SNX29: variants seen among roughly 807,000 people sequenced by gnomAD.
The protein encoded by SNX29 is sorting nexin 29.
A neutral mutation model predicts 102.1 loss-of-function variants in SNX29; 78 were observed. That is an observed-to-expected ratio of 0.76 (90% CI 0.64 to 0.92). The LOEUF (loss-of-function observed/expected upper bound fraction) is 0.92, where lower values mean the gene tolerates loss of function less well. Among genes scored for constraint, SNX29 ranks in the 40% least tolerant of loss-of-function variants. The pLI is 0.00. For missense variants in SNX29, 1,280 were observed against 1,061.7 expected, an observed-to-expected ratio of 1.21 and a Z score of -2.86; for synonymous variants, 580 against 414.5, an observed-to-expected ratio of 1.40 and a Z score of -4.85.
chr16:12,562,264 C>T (rs1050929345), intron 20 of SNX29, among the ~76,000 whole-genome samples: 2 of 152,122 alleles, frequency 1.3e-5, no homozygotes, highest in East Asian at 1.9e-4. Flanking sequence ...TAAGCAGCAT[C>T]CCCATGGGCC....
chr16:12,239,215 C>CT (rs2078026891), intron 14 of SNX29, among the ~76,000 whole-genome samples: 1 of 152,146 alleles, frequency 6.6e-6, no homozygotes, highest in Non-Finnish European at 1.5e-5. Context: ...AGAGGTAGTG[C>CT]TGGAGGTAGC....
intron 13 of SNX29, among the ~76,000 whole-genome samples, chr16:12,180,865 T>C (rs1300950305): frequency 1.3e-5 from 2 of 152,180 alleles, no homozygotes; most frequent in Non-Finnish European, 2.9e-5. Context: ...CTCTCTCCTG[T>C]GGATTTCGTG....
At chr16:12,242,596 C>T (rs2078142127) in intron 14 of SNX29, among the ~76,000 whole-genome samples, 2 of 150,898 alleles carry the variant, frequency 1.3e-5, no homozygotes, top group South Asian at 2.1e-4. Flanking sequence ...TTCTCTTCTT[C>T]TTCTCTTCTT....
At chr16:12,426,901 A>G (rs2151611036) in intron 18 of SNX29, among the ~76,000 whole-genome samples, 1 of 152,188 alleles carries the variant, frequency 6.6e-6, no homozygotes, top group South Asian at 2.1e-4. Flanking sequence ...TGTGACCTCA[A>G]GTGATCCACC....
intron 20 of SNX29, chr16:12,526,578 C>T (rs756181479): frequency 6.6e-5 from 35 of 529,844 alleles, no homozygotes; most frequent in Admixed American, 1.1e-4. Flanking sequence ...TGGAAATGGC[C>T]GCGATAGTTC....
intron 20 of SNX29, among the ~76,000 whole-genome samples, chr16:12,527,675 C>T (rs535692297): frequency 2.0e-5 from 3 of 152,178 alleles, no homozygotes; most frequent in African/African-American, 4.8e-5. Flanking sequence ...CCACCCAGCA[C>T]GTGGGGATCC....
At chr16:12,013,704 G>T (rs532225151) in intron 3 of SNX29, among the ~76,000 whole-genome samples, 1 of 150,810 alleles carries the variant, frequency 6.6e-6, no homozygotes, top group Non-Finnish European at 1.5e-5. Flanking sequence ...GAGTGCAGTG[G>T]CATAATCTTG....
rs192992669 is a variant in SNX29, at chr16:12,125,304, T to C, written c.1403-1329T>C. ...TAACCTGAACATGATGTCATAGCTGTGTGGGGAAGGCGGAAGGTCTGACAG... is the reference window on the plus strand; with the variant it reads ...TAACCTGAACATGATGTCATAGCTGCGTGGGGAAGGCGGAAGGTCTGACAG... On this transcript the variant is annotated intron_variant, in intron 11 of 20. Coordinates refer to ENST00000566228, the MANE Select transcript of SNX29 (RefSeq NM_032167.5). 6.6e-5 allele frequency among the ~76,000 whole-genome samples: 10 copies of C among 152,260 alleles called. No individual in the cohort carries two copies. In the East Asian group the frequency reaches 1.7e-3, roughly 26 times the overall value.
intron 15 of SNX29, among the ~76,000 whole-genome samples, chr16:12,280,871 G>A (rs870641): frequency 0.079 from 11,969 of 152,174 alleles, 1,146 homozygotes; most frequent in African/African-American, 0.22. Context: ...GTTTCTTTCC[G>A]TGTCAGAAGG....
At chr16:12,396,372 A>C (rs1439291623) in intron 16 of SNX29, among the ~76,000 whole-genome samples, 1 of 152,138 alleles carries the variant, frequency 6.6e-6, no homozygotes, top group African/African-American at 2.4e-5. Flanking sequence ...CCTGGGTGCA[A>C]ACTCTGTTCA....
chr16:12,489,394 C>T (rs1028880285), intron 19 of SNX29, among the ~76,000 whole-genome samples: 1 of 152,186 alleles, frequency 6.6e-6, no homozygotes, highest in Admixed American at 6.5e-5. Flanking sequence ...CCCTTTCTCT[C>T]GTCCTTCTCT....
chr16:12,529,970 A>T (rs1454044507), intron 20 of SNX29, among the ~76,000 whole-genome samples: 1 of 152,202 alleles, frequency 6.6e-6, no homozygotes, highest in African/African-American at 2.4e-5. Flanking sequence ...GCCATGCAAG[A>T]GATCTCAAAG....
At chr16:12,560,432 A>G (rs2078658373) in intron 20 of SNX29, among the ~76,000 whole-genome samples, 1 of 152,102 alleles carries the variant, frequency 6.6e-6, no homozygotes, top group East Asian at 1.9e-4. Flanking sequence ...GTAGGCATCC[A>G]TGTCCCCAGC....
intron 19 of SNX29, among the ~76,000 whole-genome samples, chr16:12,492,044 C>G (rs1011283244): frequency 1.3e-5 from 2 of 152,178 alleles, no homozygotes; most frequent in Admixed American, 1.3e-4. Flanking sequence ...GGTATATACC[C>G]AGTAATGGGA....
At chr16:12,152,820 A>T (rs989744058) in intron 13 of SNX29, among the ~76,000 whole-genome samples, 1 of 152,178 alleles carries the variant, frequency 6.6e-6, no homozygotes, top group African/African-American at 2.4e-5. Flanking sequence ...TGTCTCACAT[A>T]GGTCAGCTAA....
At chr16:12,152,765 A>AT (rs1300064669) in intron 13 of SNX29, among the ~76,000 whole-genome samples, 2 of 152,180 alleles carry the variant, frequency 1.3e-5, no homozygotes, top group Non-Finnish European at 2.9e-5. Context: ...TAGCTCTATT[A>AT]TTTTTTACAT....
chr16:12,227,792 C>A (rs772833711), intron 14 of SNX29, among the ~76,000 whole-genome samples: 2 of 148,556 alleles, frequency 1.3e-5, no homozygotes, highest in Admixed American at 6.9e-5. Context: ...CCCAGCTACT[C>A]GGGAGGCTGA....
chr16:12,281,893 A>C (rs183272382), intron 15 of SNX29, among the ~76,000 whole-genome samples: 20 of 152,060 alleles, frequency 1.3e-4, no homozygotes, highest in African/African-American at 4.6e-4. Flanking sequence ...CAACACGGGG[A>C]AACTATGTCT....
intron 13 of SNX29, among the ~76,000 whole-genome samples, chr16:12,151,935 C>T (rs2055319926): frequency 2.6e-5 from 4 of 152,166 alleles, no homozygotes; most frequent in South Asian, 4.2e-4. Flanking sequence ...GAAGTTTTGC[C>T]TGTTGGCCAG....
Sources: allele counts gnomAD v4.1 joint callset (sites outside exome capture counted in the v4.1 genomes callset), GRCh38; gene constraint gnomAD v4.1.1; transcripts MANE v1.5; gene names NCBI Gene and HGNC (gene_info 2026-07-23, HGNC 2026-07-21).